Variants in KCNIP4 observed in about 807,000 individuals in gnomAD.
KCNIP4 encodes Kv channel-interacting protein 4.
A neutral mutation model predicts 34.0 loss-of-function variants in KCNIP4; 12 were observed. The ratio of observed to expected loss-of-function variants is 0.35; its 90% CI spans 0.23 to 0.57. The LOEUF is 0.57. Ranked by LOEUF, KCNIP4 falls within the 20% of genes least tolerant of loss-of-function variation. The pLI is 0.83. For synonymous variants in KCNIP4, 124 were observed against 102.2 expected, an observed-to-expected ratio of 1.21 and a Z score of -1.29; for missense variants, 238 against 311.7, an observed-to-expected ratio of 0.76 and a Z score of 1.78.
At chr4:21,881,200 G>T (rs1342674625) in intron 1 of KCNIP4, among the ~76,000 whole-genome samples, 2 of 151,890 alleles carry the variant, frequency 1.3e-5, no homozygotes, top group Non-Finnish European at 2.9e-5. Context: ...TTTTCTTATG[G>T]ATATGGCTGT....
At chr4:21,486,159 G>T (rs940274035) in intron 1 of KCNIP4, among the ~76,000 whole-genome samples, 3 of 152,126 alleles carry the variant, frequency 2.0e-5, no homozygotes, top group African/African-American at 7.2e-5. Flanking sequence ...AATGTGTTCT[G>T]ATACTTTTTG....
Position 21,562,474 on chromosome 4 carries a change from C to G in KCNIP4, c.61+386097G>C, listed in dbSNP as rs144482310. Among the ~76,000 whole-genome samples the G allele has an allele frequency of 2.6e-3, 389 of 152,172 alleles. 5 individuals carry two copies. Among genetic ancestry groups the G allele is most frequent in the African/African-American group, 8.9e-3 (369 of 41,570 alleles). On this transcript the variant is annotated intron_variant, in intron 1 of 8. Coordinates refer to ENST00000382152, the MANE Select transcript of KCNIP4 (RefSeq NM_025221.6). ...GATAGCTTGTGGGAATCACTTTTAA[C>G]TATGCTAATTGTTTATGCCGAGTAA...
intron 1 of KCNIP4, among the ~76,000 whole-genome samples, chr4:21,320,964 TAAAAAA>T (rs528123961): frequency 1.9e-5 from 2 of 102,918 alleles, no homozygotes; most frequent in African/African-American, 4.6e-5. Flanking sequence ...GAATCTGTCT[TAAAAAA>T]AAAAAAAAAA....
chr4:21,353,369 T>C (rs1718216460), intron 1 of KCNIP4, among the ~76,000 whole-genome samples: 1 of 152,134 alleles, frequency 6.6e-6, no homozygotes, highest in African/African-American at 2.4e-5. Flanking sequence ...GAGCATGTTC[T>C]AACCCATTGC....
intron 1 of KCNIP4, among the ~76,000 whole-genome samples, chr4:21,187,621 C>T (rs1318856702): frequency 1.3e-5 from 2 of 152,152 alleles, no homozygotes; most frequent in Admixed American, 6.6e-5. Context: ...GTCAGGAGCA[C>T]ATTGCCTGTA....
intron 1 of KCNIP4, among the ~76,000 whole-genome samples, chr4:20,964,266 C>T (rs1459078283): frequency 6.6e-6 from 1 of 152,132 alleles, no homozygotes; most frequent in Non-Finnish European, 1.5e-5. Flanking sequence ...AGAATTCAAA[C>T]CCACATCTGA....
At chr4:21,804,837 A>T (rs1195787817) in intron 1 of KCNIP4, among the ~76,000 whole-genome samples, 2 of 152,204 alleles carry the variant, frequency 1.3e-5, no homozygotes, top group Non-Finnish European at 2.9e-5. Context: ...GTCACATTCC[A>T]CTGCCATTCC....
intron 1 of KCNIP4, among the ~76,000 whole-genome samples, chr4:21,276,661 T>C (rs1414345433): frequency 6.6e-6 from 1 of 152,202 alleles, no homozygotes; most frequent in Non-Finnish European, 1.5e-5. Context: ...TCCTATTCAA[T>C]ACCCATCCTC....
At chr4:21,678,206 T>C (rs146088662) in intron 1 of KCNIP4, among the ~76,000 whole-genome samples, 5 of 152,132 alleles carry the variant, frequency 3.3e-5, no homozygotes, top group African/African-American at 9.6e-5. Flanking sequence ...ATAGGCAATA[T>C]ATACATGAAT....
intron 1 of KCNIP4, among the ~76,000 whole-genome samples, chr4:21,102,429 G>C (rs1748032262): frequency 6.6e-6 from 1 of 152,152 alleles, no homozygotes; most frequent in Admixed American, 6.6e-5. Context: ...ATTTGGGATA[G>C]GGTTAGAAGA....
chr4:20,837,666 A>C (rs1468513384), intron 3 of KCNIP4, among the ~76,000 whole-genome samples: 1 of 122,146 alleles, frequency 8.2e-6, no homozygotes, highest in Non-Finnish European at 1.7e-5. Context: ...TCAGTGCTAT[A>C]TATATATATA....
At chr4:21,665,434 T>A (rs1748777350) in intron 1 of KCNIP4, among the ~76,000 whole-genome samples, 2 of 152,006 alleles carry the variant, frequency 1.3e-5, no homozygotes, top group Admixed American at 1.3e-4. Flanking sequence ...AACCTAACTT[T>A]AAAAAGTAAT....
intron 1 of KCNIP4, among the ~76,000 whole-genome samples, chr4:21,508,220 AC>A: frequency 6.6e-6 from 1 of 152,192 alleles, no homozygotes; most frequent in East Asian, 1.9e-4. Flanking sequence ...CTCATCAATT[AC>A]AACAGAAATG....
At chr4:21,200,365 T>TACAC (rs1756394139) in intron 1 of KCNIP4, among the ~76,000 whole-genome samples, 1 of 95,178 alleles carries the variant, frequency 1.1e-5, no homozygotes, top group Non-Finnish European at 1.8e-5. Flanking sequence ...TATATATATA[T>TACAC]ACATACATAT....
intron 1 of KCNIP4, among the ~76,000 whole-genome samples, chr4:21,514,596 G>C (rs981514162): frequency 6.6e-6 from 1 of 152,040 alleles, no homozygotes; most frequent in African/African-American, 2.4e-5. Context: ...TTGCATTTAT[G>C]GATAAGCAAA....
At chr4:21,523,532 G>GCTTC (rs372225853) in intron 1 of KCNIP4, among the ~76,000 whole-genome samples, 1 of 151,226 alleles carries the variant, frequency 6.6e-6, no homozygotes, top group Non-Finnish European at 1.5e-5. Context: ...TTCCTTCTTT[G>GCTTC]CTTCCTTCCT....
At chr4:21,363,811 T>C (rs1719461240) in intron 1 of KCNIP4, among the ~76,000 whole-genome samples, 1 of 152,152 alleles carries the variant, frequency 6.6e-6, no homozygotes, top group Admixed American at 6.6e-5. Context: ...TTAGGAGTTC[T>C]CTCCATAGCA....
chr4:21,387,698 G>A (rs1251403918), intron 1 of KCNIP4, among the ~76,000 whole-genome samples: 1 of 152,134 alleles, frequency 6.6e-6, no homozygotes, highest in Non-Finnish European at 1.5e-5. Flanking sequence ...GGACAGTGGA[G>A]TTTCAGTGTT....
chr4:21,466,954 C>T (rs1730001250), intron 1 of KCNIP4, among the ~76,000 whole-genome samples: 1 of 151,964 alleles, frequency 6.6e-6, no homozygotes, highest in South Asian at 2.1e-4. Flanking sequence ...AAACAAACTC[C>T]TTACCCTGAT....
Sources: gnomAD v4.1 joint callset for allele counts (sites outside exome capture counted in the v4.1 genomes callset) on GRCh38, gnomAD v4.1.1 for gene constraint, MANE v1.5 for transcripts, NCBI Gene and HGNC (gene_info 2026-07-23, HGNC 2026-07-21) for gene names.